SPART: variants seen among roughly 807,000 people sequenced by gnomAD.
The protein encoded by SPART is spartin.
Under a neutral mutation model 58.7 loss-of-function variants are expected in SPART, and 35 were observed. The observed-to-expected ratio is 0.60, with a 90% CI of 0.46 to 0.79. The LOEUF (loss-of-function observed/expected upper bound fraction) is 0.79. Ranked by LOEUF, SPART falls within the 30% of genes least tolerant of loss-of-function variation. The pLI is 0.00. For missense variants in SPART, 730 were observed against 786.1 expected, an observed-to-expected ratio of 0.93 and a Z score of 0.85; for synonymous variants, 284 against 280.7, an observed-to-expected ratio of 1.01 and a Z score of -0.12.
chr13:36,357,295 G>A (rs888638343), intron 1 of SPART, among the ~76,000 whole-genome samples: 3 of 152,176 alleles, frequency 2.0e-5, no homozygotes, highest in Non-Finnish European at 4.4e-5. Flanking sequence ...GCGCATTGAT[G>A]GCCATCACCC....
chr13:36,332,460 T>G (rs1052456753), intron 2 of SPART, among the ~76,000 whole-genome samples: 1 of 152,100 alleles, frequency 6.6e-6, no homozygotes, highest in Non-Finnish European at 1.5e-5. Flanking sequence ...GCCAAGATTG[T>G]GCCACTGCAC....
intron 5 of SPART, 36 bp from the exon 6 acceptor site, chr13:36,314,457 G>T: frequency 6.3e-7 from 1 of 1,585,212 alleles, no homozygotes; most frequent in South Asian, 1.1e-5. Context: ...CACAATATTA[G>T]GGCTAATTAT....
chr13:36,341,201 G>T (rs955521672), intron 1 of SPART, among the ~76,000 whole-genome samples: 3 of 152,142 alleles, frequency 2.0e-5, no homozygotes, highest in African/African-American at 7.2e-5. Flanking sequence ...AAATCTATGT[G>T]TATGATAGAA....
intron 2 of SPART, among the ~76,000 whole-genome samples, chr13:36,332,953 T>C (rs1012750597): frequency 6.6e-6 from 1 of 152,104 alleles, no homozygotes; most frequent in Admixed American, 6.5e-5. Context: ...AGCAGTGGTA[T>C]AGAGTTGACA....
chr13:36,329,063 T>C (rs1883215857), intron 4 of SPART, among the ~76,000 whole-genome samples: 1 of 152,122 alleles, frequency 6.6e-6, no homozygotes, highest in Admixed American at 6.6e-5. Flanking sequence ...TTTGCACCAC[T>C]GCACTCCAGC....
intron 1 of SPART, among the ~76,000 whole-genome samples, chr13:36,340,223 C>T (rs997005460): frequency 2.0e-5 from 3 of 151,624 alleles, no homozygotes; most frequent in African/African-American, 2.4e-5. Flanking sequence ...ATTAGCCAGG[C>T]GTGGTGGCAG....
chr13:36,323,321 TTTA>T (rs1171327837), intron 5 of SPART, among the ~76,000 whole-genome samples: 4 of 152,160 alleles, frequency 2.6e-5, no homozygotes, highest in Non-Finnish European at 4.4e-5. Context: ...GCTCCATCAG[TTTA>T]TTGTCAGCAA....
At chr13:36,334,950 A>G (rs1593263281) in intron 2 of SPART, 71 bp downstream of exon 2, 2 of 1,293,038 alleles carry the variant, frequency 1.5e-6, no homozygotes, top group East Asian at 2.3e-5. Context: ...CTGGACACAT[A>G]AACATTAACA....
At chr13:36,349,269 ACAAG>A (rs1008752851), upstream of SPART, among the ~76,000 whole-genome samples, 4 of 152,286 alleles carry the variant, frequency 2.6e-5, no homozygotes, top group Non-Finnish European at 1.5e-5. Context: ...TCTCAAACAA[ACAAG>A]CAAAAAACTG....
At chr13:36,364,509 G>A (rs1318093109) in intron 1 of SPART, among the ~76,000 whole-genome samples, 1 of 152,068 alleles carries the variant, frequency 6.6e-6, no homozygotes, top group Non-Finnish European at 1.5e-5. Flanking sequence ...CCTGCTTGAG[G>A]GATCAGCTCA....
intron 5 of SPART, among the ~76,000 whole-genome samples, chr13:36,321,907 C>A (rs1882443871): frequency 6.6e-6 from 1 of 152,114 alleles, no homozygotes; most frequent in African/African-American, 2.4e-5. Flanking sequence ...CCGGTCCTTG[C>A]CTTAAGTGAT....
In SPART at chr13:36,326,666, C is replaced by T. The variant is rs1299196069; in HGVS notation, c.1197G>A (p.Leu399=). The T allele has an allele frequency of 6.2e-7, 1 of 1,613,134 alleles. No homozygotes were observed. The highest frequency in any genetic ancestry group is 1.3e-5 in the African/African-American group (1 of 74,866). The change falls in exon 5 of 9, where the codon CTG becomes CTA. Residue 399 remains leucine, a synonymous_variant. Transcript: ENST00000438666. ...AKDTSSEEVN[L]SHIVPCEPVP... ...CTGGCTCACATGGTACAATGTGACT[C>T]AGGTTAACTTCTTCACTTGAAGTAT...
chr13:36,334,489 C>T (rs999204213), intron 2 of SPART, among the ~76,000 whole-genome samples: 8 of 152,012 alleles, frequency 5.3e-5, no homozygotes, highest in Non-Finnish European at 1.5e-5. Context: ...TGGCAGCATC[C>T]GTGGCCTCTA....
At chr13:36,342,093 G>A (rs1261360746) in intron 1 of SPART, among the ~76,000 whole-genome samples, 2 of 152,144 alleles carry the variant, frequency 1.3e-5, no homozygotes, top group African/African-American at 4.8e-5. Flanking sequence ...CTTGAACAGG[G>A]TCTTGAACAA....
chr13:36,314,948 G>A (rs1881529770), intron 5 of SPART, among the ~76,000 whole-genome samples: 1 of 152,306 alleles, frequency 6.6e-6, no homozygotes. Flanking sequence ...TTTAGTCAGG[G>A]GGTCCTGTTC....
intron 8 of SPART, among the ~76,000 whole-genome samples, chr13:36,304,884 A>G (rs1880355442): frequency 6.6e-6 from 1 of 152,210 alleles, no homozygotes; most frequent in African/African-American, 2.4e-5. Flanking sequence ...TGATGTAATA[A>G]AGACTGTCAA....
intron 1 of SPART, among the ~76,000 whole-genome samples, chr13:36,352,769 C>T (rs1885466011): frequency 1.4e-5 from 2 of 142,060 alleles, no homozygotes; most frequent in Non-Finnish European, 3.0e-5. Flanking sequence ...CTGGGCAACA[C>T]AGGGAGATCC....
At chr13:36,327,016 C>A (rs970475093) in intron 4 of SPART, among the ~76,000 whole-genome samples, 1 of 151,988 alleles carries the variant, frequency 6.6e-6, no homozygotes, top group East Asian at 1.9e-4. Context: ...CAGATATCAT[C>A]CCTAGATATT....
chr13:36,359,570 C>T (rs1172272192), intron 1 of SPART, among the ~76,000 whole-genome samples: 1 of 152,126 alleles, frequency 6.6e-6, no homozygotes, highest in East Asian at 1.9e-4. Flanking sequence ...AGTCACTTAC[C>T]CTCAAAGCTT....
Sources: gnomAD v4.1 joint callset for allele counts (sites outside exome capture counted in the v4.1 genomes callset) on GRCh38, gnomAD v4.1.1 for gene constraint, MANE v1.5 for transcripts, NCBI Gene and HGNC (gene_info 2026-07-23, HGNC 2026-07-21) for gene names.